STX6: variants seen among roughly 807,000 people sequenced by gnomAD.
The protein encoded by STX6 is syntaxin 6, also known as syntaxin-6.
A neutral mutation model predicts 38.0 loss-of-function variants in STX6; 23 were observed. The observed-to-expected ratio is 0.60, with a 90% CI of 0.43 to 0.86. STX6 has a LOEUF of 0.86. Among genes scored for constraint, STX6 ranks in the 40% least tolerant of loss-of-function variants. The pLI is 0.00. For missense variants in STX6, 274 were observed against 312.9 expected, an observed-to-expected ratio of 0.88 and a Z score of 0.94; for synonymous variants, 123 against 107.5, an observed-to-expected ratio of 1.14 and a Z score of -0.89.
chr1:181,000,899 T>C (rs1277054734), intron 3 of STX6, among the ~76,000 whole-genome samples: 19 of 148,280 alleles, frequency 1.3e-4, no homozygotes, highest in Admixed American at 1.2e-3. Context: ...AAAAAGCTTA[T>C]ACAAAATAAT....
chr1:180,995,496 C>T (rs757361195), intron 3 of STX6, among the ~76,000 whole-genome samples: 2 of 152,074 alleles, frequency 1.3e-5, no homozygotes, highest in Non-Finnish European at 2.9e-5. Context: ...TCCAACAGCC[C>T]GATTTATTTA....
At chr1:181,015,268 G>C (rs892038531) in intron 1 of STX6, among the ~76,000 whole-genome samples, 3 of 152,062 alleles carry the variant, frequency 2.0e-5, no homozygotes, top group Non-Finnish European at 4.4e-5. Context: ...GCTGCCTATA[G>C]GATCATTCCA....
In STX6 at chr1:181,010,690, A is replaced by G. The variant is rs149855906; in HGVS notation, c.36-5227T>C. Reference sequence around the variant, plus strand: ...GCTGATGAGGAATACCACAGAAAGCATGGCACGACACCACTGCCTTGATTT... The same window carrying G: ...GCTGATGAGGAATACCACAGAAAGCGTGGCACGACACCACTGCCTTGATTT... On this transcript the variant is annotated intron_variant, in intron 1 of 7. Transcript: ENST00000258301. Among the ~76,000 whole-genome samples, 142 of 152,232 alleles carry G rather than the reference A, an allele frequency of 9.3e-4. 1 individual carries two copies. The East Asian group carries it at 0.022, about 23-fold the overall frequency.
At chr1:180,982,257 T>A (rs1216120846) in intron 7 of STX6, among the ~76,000 whole-genome samples, 1 of 152,194 alleles carries the variant, frequency 6.6e-6, no homozygotes, top group Non-Finnish European at 1.5e-5. Flanking sequence ...GCAAAAATTA[T>A]GGAGGAGAGC....
intron 1 of STX6, among the ~76,000 whole-genome samples, chr1:181,020,746 C>A (rs1004487651): frequency 6.6e-6 from 1 of 152,252 alleles, no homozygotes. Flanking sequence ...TTCACTTCAA[C>A]ACTCATTCAT....
At chr1:181,001,776 G>C (rs1456914805) in intron 3 of STX6, among the ~76,000 whole-genome samples, 1 of 152,214 alleles carries the variant, frequency 6.6e-6, no homozygotes, top group East Asian at 1.9e-4. Flanking sequence ...AAGATAACTA[G>C]CTTGAAGAAA....
intron 5 of STX6, chr1:180,988,972 CTAATG>C (rs1269322705): frequency 2.0e-5 from 3 of 152,306 alleles, no homozygotes; most frequent in African/African-American, 7.2e-5. Flanking sequence ...AGCAGACATA[CTAATG>C]TAAAGAACAA....
intron 7 of STX6, among the ~76,000 whole-genome samples, chr1:180,977,623 T>G (rs1303638170): frequency 6.6e-6 from 1 of 152,194 alleles, no homozygotes; most frequent in African/African-American, 2.4e-5. Context: ...ATAACAGAAT[T>G]CACTAGCGTA....
intron 1 of STX6, among the ~76,000 whole-genome samples, chr1:181,020,494 T>C (rs1656695279): frequency 6.6e-6 from 1 of 152,212 alleles, no homozygotes; most frequent in South Asian, 2.1e-4. Flanking sequence ...ATACTTCTAT[T>C]GGACAGCAAT....
intron 7 of STX6, among the ~76,000 whole-genome samples, chr1:180,977,968 T>A (rs866581345): frequency 6.6e-6 from 1 of 152,226 alleles, no homozygotes; most frequent in East Asian, 1.9e-4. Context: ...TAGTTAACTC[T>A]GAGCAGGACA....
At chr1:180,992,426 T>C (rs895265684) in intron 4 of STX6, among the ~76,000 whole-genome samples, 4 of 152,224 alleles carry the variant, frequency 2.6e-5, no homozygotes, top group Admixed American at 2.6e-4. Context: ...TGCTAGTTAG[T>C]ATAAATAGTG....
At chr1:180,985,005 G>A (rs1226767816) in intron 6 of STX6, among the ~76,000 whole-genome samples, 1 of 152,158 alleles carries the variant, frequency 6.6e-6, no homozygotes, top group Non-Finnish European at 1.5e-5. Flanking sequence ...GACACCACTA[G>A]GAGGACACCA....
At chr1:181,021,909 G>A (rs761147872) in intron 1 of STX6, among the ~76,000 whole-genome samples, 20 of 152,222 alleles carry the variant, frequency 1.3e-4, no homozygotes, top group Non-Finnish European at 2.1e-4. Flanking sequence ...ATTTCCTTTA[G>A]CACTGTGAGA....
At position 180,974,140 on chromosome 1, in the gene STX6, T is replaced by C. The variant is rs1465078881; in HGVS notation, c.*2430A>G. 3.3e-5 allele frequency: 5 copies of C among 152,244 alleles called. No individual in the cohort carries two copies. Among genetic ancestry groups the C allele is most frequent in the Admixed American group, 2.6e-4 (4 of 15,284 alleles). The allele number at this position is 152,244 out of a possible 1,614,324, so 9.4% of individuals were successfully genotyped here. ...ATGTAGGTTCCCTGGATTGTTCTCTTTGGCTGCCACATTTGGAGCCTGAGT... is the reference window on the plus strand; with the variant it reads ...ATGTAGGTTCCCTGGATTGTTCTCTCTGGCTGCCACATTTGGAGCCTGAGT... On this transcript the variant is annotated 3_prime_UTR_variant, in exon 8 of 8. Coordinates refer to ENST00000258301, the MANE Select transcript of STX6 (RefSeq NM_005819.6).
chr1:180,982,071 C>T (rs963989150), intron 7 of STX6, among the ~76,000 whole-genome samples: 1 of 152,152 alleles, frequency 6.6e-6, no homozygotes, highest in Non-Finnish European at 1.5e-5. Context: ...TAGTGTCTCT[C>T]TTGGGTCATT....
At chr1:180,998,468 T>C (rs1655980976) in intron 3 of STX6, among the ~76,000 whole-genome samples, 1 of 152,150 alleles carries the variant, frequency 6.6e-6, no homozygotes, top group South Asian at 2.1e-4. Context: ...CTGCAACCTC[T>C]GTCTCCGGTT....
intron 7 of STX6, among the ~76,000 whole-genome samples, chr1:180,982,128 G>C (rs1437523592): frequency 6.6e-6 from 1 of 152,192 alleles, no homozygotes; most frequent in African/African-American, 2.4e-5. Flanking sequence ...CCATGAAGCA[G>C]ACAGCCACGG....
rs534074399 is a variant in STX6 at position 180,980,361 on chromosome 1, C to T, written c.692-3715G>A. On this transcript the variant is annotated intron_variant, in intron 7 of 7. Coordinates refer to ENST00000258301, the MANE Select transcript of STX6 (RefSeq NM_005819.6). ...CCCCAAACAGTGACAACACCATATGCTAGCAAGGATGTGGAGCAATATTAA... is the reference window on the plus strand; with the variant it reads ...CCCCAAACAGTGACAACACCATATGTTAGCAAGGATGTGGAGCAATATTAA... Among the ~76,000 whole-genome samples the T allele has an allele frequency of 7.9e-5, 12 of 152,126 alleles. No individual in the cohort carries two copies. The East Asian group carries it at 2.3e-3, about 29-fold the overall frequency.
intron 7 of STX6, among the ~76,000 whole-genome samples, chr1:180,982,984 T>A (rs112258745): frequency 2.6e-4 from 40 of 152,360 alleles, no homozygotes; most frequent in African/African-American, 9.1e-4. Flanking sequence ...GTTTTGGATG[T>A]AATAGGTCCA....
Sources: gnomAD v4.1 joint callset for allele counts (sites outside exome capture counted in the v4.1 genomes callset) on GRCh38, gnomAD v4.1.1 for gene constraint, MANE v1.5 for transcripts, NCBI Gene and HGNC (gene_info 2026-07-23, HGNC 2026-07-21) for gene names.